The following PKDCC variants were observed in gnomAD, a reference collection of about 807,000 sequenced individuals.
PKDCC encodes extracellular tyrosine-protein kinase PKDCC.
In PKDCC, 35 loss-of-function variants were observed where a neutral mutation model predicts 44.7. That is an observed-to-expected ratio of 0.78 (90% CI 0.60 to 1.04). The LOEUF (loss-of-function observed/expected upper bound fraction) is 1.04, where lower values mean the gene tolerates loss of function less well. PKDCC is among the 50% of genes least tolerant of loss of function. The pLI, the probability that PKDCC is intolerant of heterozygous loss-of-function variation, is 0.00. For missense variants in PKDCC, 738 were observed against 672.7 expected (o/e 1.10, Z -1.07); for synonymous variants, 353 against 303.3 (o/e 1.16, Z -1.70).
intron 2 of PKDCC, chr2:42,053,671 T>A (rs940257441): frequency 1.9e-6 from 1 of 516,178 alleles, no homozygotes; most frequent in East Asian, 3.3e-5. Flanking sequence ...GGAGGGCCAG[T>A]GTCCTAGAAC....
rs543645793 is a variant in PKDCC at position 42,048,530 on chromosome 2, G to A, written c.331G>A (p.Gly111Ser). Residue 111 changes from glycine to serine, a missense_variant, in exon 1 of 7, where the codon GGC (glycine) becomes AGC (serine). By Grantham distance (56) the Gly-to-Ser change is moderately conservative. Coordinates refer to ENST00000294964, the MANE Select transcript of PKDCC (RefSeq NM_138370.3). This position sits in a 1 kb window ranked among gnomAD's most constrained non-coding sequence, Gnocchi z 6.2. ...RPPWARPLSD[G>S]APGWPPAPGP... ...CCCTTGGGCCCGGCCCCTGTCCGAC[G>A]GCGCCCCAGGCTGGCCCCCGGCTCC... 9.8e-6 allele frequency: 12 copies of A among 1,223,210 alleles called. No individual in the cohort carries two copies. In the South Asian group the frequency reaches 3.6e-4, roughly 36 times the overall value. 75.8% of individuals were successfully genotyped at this position (1,223,210 alleles called of 1,614,324 possible).
rs576571066 is a variant in PKDCC, at chr2:42,057,446, G to A, written c.1396+52G>A. On this transcript the variant is annotated intron_variant, in intron 6 of 6. Transcript: ENST00000294964. ...AGGGAGATGGCAGGACCTCTCTGGA[G>A]GTTGATAGATAGTGATCCCCCATCG... The A allele has an allele frequency of 5.9e-5, 95 of 1,607,806 alleles. 2 individuals are homozygous for A. The South Asian group carries it at 1.0e-3, about 17-fold the overall frequency.
In PKDCC at chr2:42,055,136, A is replaced by G; in HGVS notation, c.1114+116A>G. 1 of 1,341,592 alleles carries G rather than the reference A, an allele frequency of 7.5e-7. No homozygotes were observed. Among genetic ancestry groups the G allele is most frequent in the East Asian group, 2.3e-5 (1 of 43,076 alleles). The allele number at this position is 1,341,592 out of a possible 1,614,324, so 83.1% of individuals were successfully genotyped here. ...GGGTTCTAGAAACCATCACTTCCTAAGGTGGCATTCTGCCGCAACCTCCCC... is the reference window on the plus strand; with the variant it reads ...GGGTTCTAGAAACCATCACTTCCTAGGGTGGCATTCTGCCGCAACCTCCCC... On this transcript the variant is annotated intron_variant, in intron 4 of 6. Coordinates refer to ENST00000294964, the MANE Select transcript of PKDCC (RefSeq NM_138370.3). The surrounding 1 kb of genome is among the most constrained non-coding windows in gnomAD (Gnocchi z 4.5).
rs1483229385 is a variant in PKDCC, at chr2:42,048,118, G to GCGGAGCCGCCT, written c.-74_-64dup. Reference sequence around the variant, plus strand: ...GGGCAGGGGGCCGGCGGGGCGCAGAGCGGAGCCGCCTCGGAGCCTGAGCCG... The same window carrying GCGGAGCCGCCT: ...GGGCAGGGGGCCGGCGGGGCGCAGAGCGGAGCCGCCTCGGAGCCGCCTCGGAGCCTGAGCCG... On this transcript the variant is annotated 5_prime_UTR_variant, in exon 1 of 7. An upstream open reading frame in the 5' UTR loses its in-frame stop. Transcript: ENST00000294964. The surrounding 1 kb of genome is among the most constrained non-coding windows in gnomAD (Gnocchi z 6.2). 19 of 842,840 alleles carry GCGGAGCCGCCT rather than the reference G, an allele frequency of 2.3e-5. No homozygotes were observed. The highest frequency in any genetic ancestry group is 2.7e-5 in the Non-Finnish European group (19 of 703,096). 52.2% of individuals were successfully genotyped at this position (842,840 alleles called of 1,614,324 possible).
rs941872217 is a variant in PKDCC, at chr2:42,055,821, G to A, written c.1222+428G>A. ...GCAGTTCCTATGACACAGCTGGAAC[G>A]CAGTATATGTTTGCTTCCCTTTCCT... On this transcript the variant is annotated intron_variant, in intron 5 of 6. Transcript: ENST00000294964. The surrounding 1 kb of genome is among the most constrained non-coding windows in gnomAD (Gnocchi z 4.5). Among the ~76,000 whole-genome samples the A allele has an allele frequency of 1.2e-4, 19 of 152,192 alleles. No individual in the cohort carries two copies. The highest frequency in any genetic ancestry group is 4.1e-4 in the African/African-American group (17 of 41,436).
rs72794538 is a variant in PKDCC, at chr2:42,054,516, G to T, written c.1034+209G>T. The T allele has an allele frequency of 0.15, 94,600 of 634,800 alleles. 8,466 individuals are homozygous for T. Among genetic ancestry groups the T allele is most frequent in the Middle Eastern group, 0.21 (487 of 2,310 alleles). 39.3% of individuals were successfully genotyped at this position (634,800 alleles called of 1,614,324 possible). A position where few individuals can be genotyped will look rare whatever the true frequency, so the allele number is the denominator to read the frequency against. On this transcript the variant is annotated intron_variant, in intron 3 of 6. Transcript: ENST00000294964. This position sits in a 1 kb window ranked among gnomAD's most constrained non-coding sequence, Gnocchi z 6.1. Reference sequence around the variant, plus strand: ...CAGCTCCAAGGAGAATCCGGGTTAGGGGGTGGCAGCTGGAGGCTTCTTAAA... The same window carrying T: ...CAGCTCCAAGGAGAATCCGGGTTAGTGGGTGGCAGCTGGAGGCTTCTTAAA...
In PKDCC at chr2:42,051,825, A is replaced by G. The variant is rs950446025; in HGVS notation, c.640-1414A>G. On this transcript the variant is annotated intron_variant, in intron 1 of 6. Transcript: ENST00000294964. This position sits in a 1 kb window ranked among gnomAD's most constrained non-coding sequence, Gnocchi z 4.2. ...CTGAGGGGGCACTCCTAGGGCGGGA[A>G]GAGGACATGTGAGGACCTGGAGTGG... 5.3e-5 allele frequency among the ~76,000 whole-genome samples: 8 copies of G among 152,106 alleles called. No homozygotes were observed. The highest frequency in any genetic ancestry group is 1.0e-4 in the Non-Finnish European group (7 of 68,002).
chr2:42,056,007 G>C (rs1668047354), intron 5 of PKDCC, among the ~76,000 whole-genome samples: 1 of 152,188 alleles, frequency 6.6e-6, no homozygotes, highest in African/African-American at 2.4e-5. Context: ...GGCAGGGGTT[G>C]AGGGGTGAGC....
intron 2 of PKDCC, 70 bp from the exon 3 acceptor site, chr2:42,053,966 G>T (rs1342407451): frequency 1.4e-5 from 21 of 1,544,078 alleles, no homozygotes; most frequent in South Asian, 1.2e-4. Context: ...CAAGAGGAGG[G>T]TGCCCTCGAG....
At position 42,048,666 on chromosome 2, in the gene PKDCC, G is replaced by A. The variant is rs754048219; in HGVS notation, c.467G>A (p.Arg156His). 3 of 1,546,222 alleles carry A rather than the reference G, an allele frequency of 1.9e-6. No homozygotes were observed. Among genetic ancestry groups the A allele is most frequent in the Admixed American group, 2.0e-5 (1 of 50,946 alleles). ...SGYTKAVYRVRLPGGAAVALK... is the reference protein window; with the variant it reads ...SGYTKAVYRVHLPGGAAVALK... Reference sequence around the variant, plus strand: ...TACACCAAGGCCGTGTACCGGGTCCGCCTGCCCGGCGGTGCCGCGGTGGCG... The same window carrying A: ...TACACCAAGGCCGTGTACCGGGTCCACCTGCCCGGCGGTGCCGCGGTGGCG... Residue 156 changes from arginine to histidine, a missense_variant, in exon 1 of 7, where the codon CGC becomes CAC. Physicochemically the swap from Arg to His is conservative, Grantham distance 29. Transcript: ENST00000294964. The surrounding 1 kb of genome is among the most constrained non-coding windows in gnomAD (Gnocchi z 6.2).
Position 42,050,032 on chromosome 2 carries a change from G to T in PKDCC, c.639+1194G>T, listed in dbSNP as rs933101630. ...GGCACCCCAGCCCTGGAGGGAGATG[G>T]GTGGGCGTCGTAGAGCAGGAGAGAC... On this transcript the variant is annotated intron_variant, in intron 1 of 6. Coordinates refer to ENST00000294964, the MANE Select transcript of PKDCC (RefSeq NM_138370.3). Among the ~76,000 whole-genome samples, 3 of 152,166 alleles carry T rather than the reference G, an allele frequency of 2.0e-5. No homozygotes were observed. In the South Asian group the frequency reaches 6.2e-4, roughly 32 times the overall value.
At chr2:42,049,604 G>C (rs1050858882) in intron 1 of PKDCC, among the ~76,000 whole-genome samples, 3 of 152,144 alleles carry the variant, frequency 2.0e-5, no homozygotes, top group African/African-American at 7.2e-5. Context: ...GAGGCTGGAA[G>C]GTTGAGAAGG....
Position 42,048,935 on chromosome 2 carries a change from G to C in PKDCC, c.639+97G>C. ...GAGAACCCCTTGATCTGGAGTGCCA[G>C]TGACTGCACCCAGGCTAAGCTAGAC... is the stretch of plus-strand genomic sequence containing the variant. On this transcript the variant is annotated intron_variant, in intron 1 of 6. Coordinates refer to ENST00000294964, the MANE Select transcript of PKDCC (RefSeq NM_138370.3). The surrounding 1 kb of genome is among the most constrained non-coding windows in gnomAD (Gnocchi z 6.2). The C allele has an allele frequency of 7.4e-7, 1 of 1,345,852 alleles. No homozygotes were observed. The highest frequency in any genetic ancestry group is 9.6e-7 in the Non-Finnish European group (1 of 1,044,898). The allele number at this position is 1,345,852 out of a possible 1,614,324, so 83.4% of individuals were successfully genotyped here.
rs765378447 is a variant in PKDCC, at chr2:42,057,629, G to A, written c.1423G>A (p.Gly475Arg). ...TCGGCAGCTGGTCTTTTTCAAGACTGGATGGAGCCAAGTGGTCCCTGATCC... is the reference window on the plus strand; with the variant it reads ...TCGGCAGCTGGTCTTTTTCAAGACTAGATGGAGCCAAGTGGTCCCTGATCC... Reference protein sequence around the residue: ...TGRQLVFFKTGWSQVVPDPNK... With the variant: ...TGRQLVFFKTRWSQVVPDPNK... Residue 475 changes from glycine (G) to arginine (R), a missense_variant, in exon 7 of 7, where the codon GGA becomes AGA. Gly to Arg is a moderately radical substitution (Grantham distance 125). Transcript: ENST00000294964. The A allele has an allele frequency of 1.9e-6, 3 of 1,613,888 alleles. No homozygotes were observed. In the East Asian group the frequency reaches 6.7e-5, roughly 36 times the overall value.
Position 42,048,776 on chromosome 2 carries a change from G to A in PKDCC, c.577G>A (p.Ala193Thr), listed in dbSNP as rs767281354. Residue 193 changes from alanine (A) to threonine (T), a missense_variant, in exon 1 of 7, where the codon GCC (alanine) becomes ACC (threonine). Ala to Thr is a moderately conservative substitution (Grantham distance 58). Transcript: ENST00000294964. This position sits in a 1 kb window ranked among gnomAD's most constrained non-coding sequence, Gnocchi z 6.2. ...GVRRGCYRLA[A>T]HKLLKEMVLL... ...ACGGAGGGGCTGCTATCGGCTGGCG[G>A]CCCACAAGCTGCTTAAGGAGATGGT... 2 of 1,546,266 alleles carry A rather than the reference G, an allele frequency of 1.3e-6. No homozygotes were observed. Among genetic ancestry groups the A allele is most frequent in the East Asian group, 2.4e-5 (1 of 42,048 alleles).
At chr2:42,056,628 G>A (rs1052934930) in intron 5 of PKDCC, among the ~76,000 whole-genome samples, 10 of 152,094 alleles carry the variant, frequency 6.6e-5, no homozygotes, top group Non-Finnish European at 1.2e-4. Context: ...GTTGGGCATG[G>A]TGGCTTACAC....
chr2:42,053,187 C>A, intron 1 of PKDCC, 52 bp from the exon 2 acceptor site: 1 of 1,297,142 alleles, frequency 7.7e-7, no homozygotes, highest in Non-Finnish European at 1.1e-6. Context: ...CAGCCCTTCC[C>A]TGTCCCCACC....
At chr2:42,050,532 C>T (rs2103924657) in intron 1 of PKDCC, among the ~76,000 whole-genome samples, 1 of 152,308 alleles carries the variant, frequency 6.6e-6, no homozygotes, top group East Asian at 1.9e-4. Flanking sequence ...GCTAACGCCC[C>T]ACATATATAT....
At chr2:42,050,707 T>C (rs1667950277) in intron 1 of PKDCC, among the ~76,000 whole-genome samples, 1 of 152,180 alleles carries the variant, frequency 6.6e-6, no homozygotes, top group African/African-American at 2.4e-5. Flanking sequence ...AGACGAGAGT[T>C]AGTGGCCCCA....
Sources: allele counts gnomAD v4.1 joint callset (sites outside exome capture counted in the v4.1 genomes callset), GRCh38; gene constraint gnomAD v4.1.1; non-coding constraint Gnocchi (gnomAD v3.1); transcripts MANE v1.5; gene names NCBI Gene and HGNC (gene_info 2026-07-23, HGNC 2026-07-21).